PTH2R: variants seen among roughly 807,000 people sequenced by gnomAD.
PTH2R encodes the protein parathyroid hormone 2 receptor.
Under a neutral mutation model 60.3 loss-of-function variants are expected in PTH2R, and 59 were observed. The ratio of observed to expected loss-of-function variants is 0.98; its 90% CI spans 0.79 to 1.22. PTH2R has a LOEUF of 1.22. Ranked by LOEUF, PTH2R falls within the 50% of genes most tolerant of loss-of-function variation. The probability of loss-of-function intolerance (pLI) is 0.00; values close to 1 mark genes in which losing one functional copy is unlikely to be tolerated. For synonymous variants in PTH2R, 256 were observed against 243.8 expected (o/e 1.05, Z -0.47); for missense variants, 749 against 682.6 (o/e 1.10, Z -1.08).
intron 1 of PTH2R, among the ~76,000 whole-genome samples, chr2:208,412,948 T>C (rs1200158541): frequency 6.6e-6 from 1 of 152,158 alleles, no homozygotes; most frequent in Non-Finnish European, 1.5e-5. Flanking sequence ...TACAATCCAC[T>C]TTTTTCCATT....
intron 9 of PTH2R, among the ~76,000 whole-genome samples, chr2:208,469,134 G>A (rs911830590): frequency 1.3e-5 from 2 of 152,142 alleles, no homozygotes; most frequent in Middle Eastern, 3.2e-3. Context: ...CTTTTCACTT[G>A]CTTTCTAAAA....
intron 1 of PTH2R, among the ~76,000 whole-genome samples, chr2:208,373,183 G>A (rs1700734461): frequency 6.6e-6 from 1 of 152,134 alleles, no homozygotes; most frequent in African/African-American, 2.4e-5. Context: ...AGAGAGCTAA[G>A]TGAAGTGAAG....
chr2:208,481,173 A>G lies in PTH2R; in HGVS notation c.1076+9A>G. 6.4e-7 allele frequency: 1 copy of G among 1,562,446 alleles called. No individual in the cohort carries two copies. Among genetic ancestry groups the G allele is most frequent in the Non-Finnish European group, 8.8e-7 (1 of 1,140,724 alleles). ...ACAAGGAAGCAATACAGGTAATTTC[A>G]GGAGAGGCATCCATCAGAGGAAATA... On this transcript the variant is annotated intron_variant, in intron 10 of 12. Transcript: ENST00000272847.
intron 1 of PTH2R, among the ~76,000 whole-genome samples, chr2:208,425,011 C>A (rs939498738): frequency 6.6e-6 from 1 of 152,134 alleles, no homozygotes; most frequent in Non-Finnish European, 1.5e-5. Context: ...ACTGGGAAAC[C>A]GGGTGAGACC....
chr2:208,390,420 G>T (rs943750089), intron 1 of PTH2R, among the ~76,000 whole-genome samples: 1 of 152,186 alleles, frequency 6.6e-6, no homozygotes, highest in Admixed American at 6.5e-5. Context: ...ACCCCAAGAC[G>T]ATGAGTTCCG....
intron 2 of PTH2R, among the ~76,000 whole-genome samples, chr2:208,433,655 A>G (rs943055661): frequency 6.6e-6 from 1 of 152,226 alleles, no homozygotes; most frequent in Non-Finnish European, 1.5e-5. Flanking sequence ...AATGTTTATG[A>G]AAGAGAGAAA....
At chr2:208,452,034 C>T (rs779759054) in intron 8 of PTH2R, among the ~76,000 whole-genome samples, 9 of 152,106 alleles carry the variant, frequency 5.9e-5, no homozygotes, top group Non-Finnish European at 8.8e-5. Flanking sequence ...ATCAGTTTCT[C>T]ATGTATAAAG....
chr2:208,442,304 C>T, intron 4 of PTH2R, 60 bp from the exon 5 acceptor site: 1 of 1,222,400 alleles, frequency 8.2e-7, no homozygotes, highest in Non-Finnish European at 1.2e-6. Context: ...CATACTATTT[C>T]TTTGCCAGTT....
intron 1 of PTH2R, among the ~76,000 whole-genome samples, chr2:208,393,440 T>C (rs1369424380): frequency 1.2e-4 from 18 of 152,308 alleles, no homozygotes; most frequent in Non-Finnish European, 2.9e-5. Context: ...AGGCCTTCTA[T>C]ATTAGAAAAA....
At chr2:208,378,243 C>CGT (rs1700846161) in intron 1 of PTH2R, among the ~76,000 whole-genome samples, 1 of 149,848 alleles carries the variant, frequency 6.7e-6, no homozygotes, top group Non-Finnish European at 1.5e-5. Flanking sequence ...CGTGGCGGCG[C>CGT]GCACCTGCAA....
chr2:208,493,881 C>G lies in PTH2R; in HGVS notation c.*222C>G, dbSNP rs1703470394. 2.4e-6 allele frequency: 1 copy of G among 412,866 alleles called. No individual in the cohort carries two copies. The highest frequency in any genetic ancestry group is 4.1e-5 in the Admixed American group (1 of 24,176). 25.6% of individuals were successfully genotyped at this position (412,866 alleles called of 1,614,324 possible). ...TTACCTTCTATTGGCATCAAGTTTT[C>G]CTCTAAATTAATGTATGGTATTTGC... On this transcript the variant is annotated 3_prime_UTR_variant, in exon 13 of 13. Transcript: ENST00000272847.
rs1024102427 is a variant in PTH2R at position 208,493,417 on chromosome 2, A to G, written c.1411A>G (p.Met471Val). Residue 471 changes from methionine to valine, a missense_variant, in exon 13 of 13, where the codon ATG becomes GTG. Transcript: ENST00000272847. ...GTCACAGGTGGCGGCCAGCACACGC[A>G]TGGTGCTTATCTCTGGCAAAGCTGC... ...SQSQVAASTR[M>V]VLISGKAAKI... The G allele has an allele frequency of 3.1e-6, 5 of 1,610,820 alleles. No individual in the cohort carries two copies. Among genetic ancestry groups the G allele is most frequent in the East Asian group, 2.2e-5 (1 of 44,822 alleles).
intron 10 of PTH2R, among the ~76,000 whole-genome samples, chr2:208,486,534 T>C (rs1362046606): frequency 1.3e-5 from 2 of 152,256 alleles, no homozygotes; most frequent in Non-Finnish European, 2.9e-5. Context: ...TAGCTTGATT[T>C]TGAGAACGGT....
At chr2:208,393,766 C>A (rs1300606842) in intron 1 of PTH2R, among the ~76,000 whole-genome samples, 1 of 152,154 alleles carries the variant, frequency 6.6e-6, no homozygotes, top group Non-Finnish European at 1.5e-5. Context: ...AGAAAATTGG[C>A]CTAAGTCTCC....
chr2:208,450,700 T>C, intron 7 of PTH2R, 49 bp from the exon 8 acceptor site: 1 of 1,581,116 alleles, frequency 6.3e-7, no homozygotes, highest in Non-Finnish European at 8.7e-7. Flanking sequence ...GGAAAAAACC[T>C]CCTTAATCTT....
rs547330877 is a variant in PTH2R, at chr2:208,361,780, A to C, written c.-259+1543A>C. Among the ~76,000 whole-genome samples the C allele has an allele frequency of 6.6e-5, 10 of 152,132 alleles. No individual in the cohort carries two copies. In the East Asian group the frequency reaches 1.9e-3, roughly 29 times the overall value. ...GATTTCCTTTTTTTTTTTTAAAAAA[A>C]AGGATGAAGACTATTCGTTTGTATG... On this transcript the variant is annotated intron_variant, in intron 1 of 12. Transcript: ENST00000617735.
chr2:208,481,348 T>C (rs913225003), intron 10 of PTH2R, among the ~76,000 whole-genome samples, 184 bp downstream of exon 10: 9 of 151,876 alleles, frequency 5.9e-5, no homozygotes, highest in Admixed American at 5.9e-4. Context: ...GTAGCTGGGA[T>C]TACAGGTGTG....
At chr2:208,465,508 T>C (rs1702728920) in intron 9 of PTH2R, among the ~76,000 whole-genome samples, 1 of 144,334 alleles carries the variant, frequency 6.9e-6, no homozygotes, top group Non-Finnish European at 1.5e-5. Flanking sequence ...GTTCAAGCGA[T>C]TCTCCTGTCT....
chr2:208,489,503 A>C (rs1451759500), intron 11 of PTH2R, among the ~76,000 whole-genome samples: 1 of 152,160 alleles, frequency 6.6e-6, no homozygotes, highest in Non-Finnish European at 1.5e-5. Context: ...AAGGCAGGAA[A>C]GAGCAAAAAG....
Sources: gnomAD v4.1 joint callset for allele counts (sites outside exome capture counted in the v4.1 genomes callset) on GRCh38, gnomAD v4.1.1 for gene constraint, MANE v1.5 for transcripts, NCBI Gene and HGNC (gene_info 2026-07-23, HGNC 2026-07-21) for gene names.